ERLEC1: variants seen among roughly 807,000 people sequenced by gnomAD.
The protein encoded by ERLEC1 is ER lectin.
Under a neutral mutation model 68.0 loss-of-function variants are expected in ERLEC1, and 47 were observed. The ratio of observed to expected loss-of-function variants is 0.69; its 90% confidence interval spans 0.55 to 0.88. The LOEUF (loss-of-function observed/expected upper bound fraction) is 0.88. Among genes scored for constraint, ERLEC1 ranks in the 40% least tolerant of loss-of-function variants. The pLI, the probability that ERLEC1 is intolerant of heterozygous loss-of-function variation, is 0.00. For synonymous variants in ERLEC1, 225 were observed against 203.2 expected (o/e 1.11, Z -0.91); for missense variants, 567 against 583.8 (o/e 0.97, Z 0.30).
At position 53,787,192 on chromosome 2, in the gene ERLEC1, G is replaced by C. The variant is rs1316992549; in HGVS notation, c.-19G>C. On this transcript the variant is annotated 5_prime_UTR_variant, in exon 1 of 14. Transcript: ENST00000185150. ...GCAGAGGAGGTTGTGGCGGTGGCTG[G>C]AGAAAGCGGCGGCGGAGGATGGAGG... The C allele has an allele frequency of 5.7e-6, 9 of 1,588,440 alleles. No homozygotes were observed. The African/African-American group carries it at 9.4e-5, about 17-fold the overall frequency.
intron 5 of ERLEC1, 94 bp from the exon 6 acceptor site, chr2:53,798,953 A>G (rs975866592): frequency 1.5e-5 from 15 of 1,032,186 alleles, no homozygotes; most frequent in Middle Eastern, 2.4e-4. Flanking sequence ...CTTCTTTAGA[A>G]AGAAGATTAA....
intron 1 of ERLEC1, among the ~76,000 whole-genome samples, chr2:53,787,943 C>G (rs1008771135): frequency 6.6e-6 from 1 of 152,152 alleles, no homozygotes; most frequent in Non-Finnish European, 1.5e-5. Context: ...TGCAGAATAT[C>G]CTTTACAGTT....
chr2:53,789,889 C>T (rs996544813), intron 1 of ERLEC1, among the ~76,000 whole-genome samples: 3 of 151,392 alleles, frequency 2.0e-5, no homozygotes, highest in African/African-American at 7.3e-5. Context: ...CATGGTGGCA[C>T]ATGTCTGTAG....
intron 6 of ERLEC1, among the ~76,000 whole-genome samples, chr2:53,799,633 C>G (rs1675902727): frequency 6.6e-6 from 1 of 152,062 alleles, no homozygotes; most frequent in Non-Finnish European, 1.5e-5. Flanking sequence ...AATCTAATCA[C>G]AATTTTTAAA....
chr2:53,801,510 CAT>C lies in ERLEC1; in HGVS notation c.642_643del (p.Ile214MetfsTer4), dbSNP rs756070063. 6.2e-7 allele frequency: 1 copy of C among 1,614,018 alleles called. No individual in the cohort carries two copies. Among genetic ancestry groups the C allele is most frequent in the Admixed American group, 1.7e-5 (1 of 60,018 alleles). On this transcript the variant is annotated frameshift_variant, in exon 7 of 14. Coordinates refer to ENST00000185150, the MANE Select transcript of ERLEC1 (RefSeq NM_015701.5). LOFTEE classifies it high-confidence loss of function. Reference sequence around the variant, plus strand: ...GGCCCAGATCAAGTACTGTGATGTACATATGTCATCCTGAATCTAAGCATGAA... The same window carrying C: ...GGCCCAGATCAAGTACTGTGATGTACATGTCATCCTGAATCTAAGCATGAA... Reference protein sequence around the residue: ...NRPRSSTVMYICHPESKHEIL... With the variant: ...NRPRSSTVMYXCHPESKHEIL...
rs771438919 is a variant in ERLEC1 at position 53,801,413 on chromosome 2, T to C, written c.542T>C (p.Ile181Thr). The C allele has an allele frequency of 1.2e-6, 2 of 1,613,472 alleles. No individual in the cohort carries two copies. The highest frequency in any genetic ancestry group is 2.7e-5 in the African/African-American group (2 of 74,872). Residue 181 changes from isoleucine to threonine, a missense_variant, in exon 7 of 14, where the codon ATC becomes ACC. Coordinates refer to ENST00000185150, the MANE Select transcript of ERLEC1 (RefSeq NM_015701.5). ...EKSNEIPTKN[I>T]EGQMTPYYPV... ...TTTTTTAAGATTCCCACTAAAAATA[T>C]CGAAGGTCAGATGACACCATACTAT...
At position 53,798,968 on chromosome 2, in the gene ERLEC1, A is replaced by T. The variant is rs1675863447; in HGVS notation, c.491-79A>T. On this transcript the variant is annotated intron_variant, in intron 5 of 13. Coordinates refer to ENST00000185150, the MANE Select transcript of ERLEC1 (RefSeq NM_015701.5). ...CTTCTTTAGAAAGAAGATTAAGGTT[A>T]CAAAGGTGGTTGAAAACTTACTCAT... is the stretch of plus-strand genomic sequence containing the variant. The T allele has an allele frequency of 8.8e-6, 11 of 1,250,596 alleles. 1 individual carries two copies. The South Asian group carries it at 1.2e-4, about 14-fold the overall frequency. The allele number at this position is 1,250,596 out of a possible 1,614,324, so 77.5% of individuals were successfully genotyped here.
chr2:53,815,402 G>A (rs1036416022), intron 13 of ERLEC1, among the ~76,000 whole-genome samples: 1 of 152,044 alleles, frequency 6.6e-6, no homozygotes, highest in African/African-American at 2.4e-5. Flanking sequence ...TAGTTGACAT[G>A]GTTTTTCTTG....
At chr2:53,808,575 T>G in intron 9 of ERLEC1, 115 bp downstream of exon 9, 1 of 979,808 alleles carries the variant, frequency 1.0e-6, no homozygotes, top group Non-Finnish European at 1.5e-6. Context: ...GACAGGATCC[T>G]TTCATCCCCA....
intron 1 of ERLEC1, among the ~76,000 whole-genome samples, chr2:53,794,016 C>T (rs1347464680): frequency 6.6e-5 from 10 of 152,096 alleles, no homozygotes. Flanking sequence ...GAACAATAAA[C>T]ACTGGAGATT....
At chr2:53,788,183 G>A (rs1675178440) in intron 1 of ERLEC1, among the ~76,000 whole-genome samples, 1 of 152,066 alleles carries the variant, frequency 6.6e-6, no homozygotes, top group South Asian at 2.1e-4. Flanking sequence ...TGAAGTCCCG[G>A]AAAAAGCAAA....
At position 53,801,961 on chromosome 2, in the gene ERLEC1, C is replaced by G. The variant is rs371828633; in HGVS notation, c.879+119C>G. 7.8e-6 allele frequency: 6 copies of G among 764,674 alleles called. No homozygotes were observed. In the African/African-American group the frequency reaches 1.1e-4, roughly 14 times the overall value. 47.4% of individuals were successfully genotyped at this position (764,674 alleles called of 1,614,324 possible). A position where few individuals can be genotyped will look rare whatever the true frequency, so the allele number is the denominator to read the frequency against. On this transcript the variant is annotated intron_variant, in intron 8 of 13. Transcript: ENST00000185150. The stretch of plus-strand genomic sequence containing the variant: ...TAGTAATTTATTTTACTGGCCCAAC[C>G]TTTTGAATTTCATTTCTTTTCATTG...
At chr2:53,806,222 A>G (rs1676288651) in intron 8 of ERLEC1, among the ~76,000 whole-genome samples, 1 of 152,182 alleles carries the variant, frequency 6.6e-6, no homozygotes, top group Non-Finnish European at 1.5e-5. Context: ...CATGTAATGA[A>G]TTTTCTACTC....
At chr2:53,813,983 T>C (rs1466353979) in intron 11 of ERLEC1, among the ~76,000 whole-genome samples, 2 of 152,218 alleles carry the variant, frequency 1.3e-5, no homozygotes, top group Non-Finnish European at 2.9e-5. Flanking sequence ...TGATTTTTCT[T>C]ATCCTTGTAG....
chr2:53,789,206 C>A (rs1675248937), intron 1 of ERLEC1, among the ~76,000 whole-genome samples: 1 of 151,696 alleles, frequency 6.6e-6, no homozygotes, highest in South Asian at 2.1e-4. Flanking sequence ...CAAGCCTGAC[C>A]AACGTGGTGA....
chr2:53,795,003 C>A (rs1394073203), intron 2 of ERLEC1, among the ~76,000 whole-genome samples: 1 of 146,660 alleles, frequency 6.8e-6, no homozygotes, highest in African/African-American at 2.6e-5. Flanking sequence ...CACTTGCTTT[C>A]TTTATAGAAA....
Position 53,808,302 on chromosome 2 carries a change from G to T in ERLEC1, c.883G>T (p.Asp295Tyr), listed in dbSNP as rs774140946. 1.2e-6 allele frequency: 2 copies of T among 1,612,724 alleles called. No homozygotes were observed. Among genetic ancestry groups the T allele is most frequent in the East Asian group, 2.2e-5 (1 of 44,870 alleles). ...RVPFRRNKEE[D>Y]LQSTKEERFP... is the part of the protein sequence containing the mutation. ...AAACGTGTGTGTTTAATTTTAGGAA[G>T]ATTTGCAATCAACTAAAGAAGAGAG... Residue 295 changes from aspartate to tyrosine, a missense_variant, in exon 9 of 14, where the codon GAT becomes TAT. Transcript: ENST00000185150.
intron 8 of ERLEC1, among the ~76,000 whole-genome samples, chr2:53,802,650 C>T (rs138313530): frequency 2.0e-5 from 3 of 152,318 alleles, no homozygotes; most frequent in Non-Finnish European, 2.9e-5. Context: ...AATCATCACT[C>T]GTGTAATACA....
intron 8 of ERLEC1, among the ~76,000 whole-genome samples, chr2:53,802,363 A>T (rs1369472638): frequency 6.6e-6 from 1 of 152,122 alleles, no homozygotes; most frequent in African/African-American, 2.4e-5. Context: ...CCAATTGACC[A>T]ATTAGAAACC....
Sources: allele counts gnomAD v4.1 joint callset (sites outside exome capture counted in the v4.1 genomes callset), GRCh38; gene constraint gnomAD v4.1.1; transcripts MANE v1.5; gene names NCBI Gene and HGNC (gene_info 2026-07-23, HGNC 2026-07-21).